The following SYNPR variants were observed in gnomAD, a reference collection of about 807,000 sequenced individuals.
The protein encoded by SYNPR is synaptoporin.
SYNPR carries 23 observed loss-of-function variants against 32.9 expected under a neutral mutation model. The ratio of observed to expected loss-of-function variants is 0.70; its 90% confidence interval spans 0.50 to 0.99. The LOEUF is 0.99. Ranked by LOEUF, SYNPR falls within the 50% of genes least tolerant of loss-of-function variation. SYNPR has a pLI of 0.00. For missense variants in SYNPR, 318 were observed against 349.3 expected, an observed-to-expected ratio of 0.91 and a Z score of 0.71; for synonymous variants, 146 against 135.9, an observed-to-expected ratio of 1.07 and a Z score of -0.52.
At chr3:63,448,066 C>T (rs904027468) in intron 2 of SYNPR, among the ~76,000 whole-genome samples, 3 of 152,138 alleles carry the variant, frequency 2.0e-5, no homozygotes, top group Non-Finnish European at 4.4e-5. Flanking sequence ...TGCAGTGGTG[C>T]AATCTCAGCC....
chr3:63,450,450 A>G (rs1006598573), intron 2 of SYNPR, among the ~76,000 whole-genome samples: 1 of 152,228 alleles, frequency 6.6e-6, no homozygotes, highest in Non-Finnish European at 1.5e-5. Flanking sequence ...TACAAAAGGA[A>G]GATAACAGAA....
intron 4 of SYNPR, among the ~76,000 whole-genome samples, chr3:63,578,003 T>G (rs1703017626): frequency 6.6e-6 from 1 of 152,208 alleles, no homozygotes; most frequent in South Asian, 2.1e-4. Context: ...GAACTCTTTC[T>G]TGAAGGCTTA....
At chr3:63,211,524 T>C in the SYNPR span, among the ~76,000 whole-genome samples, 1 of 152,250 alleles carries the variant, frequency 6.6e-6, no homozygotes, top group South Asian at 2.1e-4. Flanking sequence ...TGCTATTATT[T>C]TGTTATAAAG....
chr3:63,282,112 C>A (rs2086635956), intron 2 of SYNPR, among the ~76,000 whole-genome samples: 1 of 152,162 alleles, frequency 6.6e-6, no homozygotes, highest in Non-Finnish European at 1.5e-5. Flanking sequence ...ACAGGAATAC[C>A]AGCTAAGTCA....
the SYNPR span, among the ~76,000 whole-genome samples, chr3:63,201,381 G>A: frequency 1.3e-5 from 2 of 152,040 alleles, no homozygotes; most frequent in Non-Finnish European, 2.9e-5. Context: ...CTATCACATT[G>A]TCTGAAAGGC....
At chr3:63,516,552 C>T (rs1192622022) in intron 3 of SYNPR, among the ~76,000 whole-genome samples, 4 of 152,104 alleles carry the variant, frequency 2.6e-5, no homozygotes, top group Non-Finnish European at 4.4e-5. Flanking sequence ...ACATCGTAAC[C>T]TCTCAACAAC....
intron 3 of SYNPR, among the ~76,000 whole-genome samples, chr3:63,537,706 G>C (rs746255302): frequency 6.6e-6 from 1 of 152,142 alleles, no homozygotes; most frequent in Non-Finnish European, 1.5e-5. Flanking sequence ...GTGTCTTAGA[G>C]TTCAGCCTTA....
At chr3:63,443,232 G>T in intron 2 of SYNPR, 1 of 1,398,358 alleles carries the variant, frequency 7.2e-7, no homozygotes, top group South Asian at 1.6e-5. Context: ...TAATATGACC[G>T]TTTTGCCATC....
chr3:63,422,923 C>G (rs1324713169), intron 2 of SYNPR, among the ~76,000 whole-genome samples: 1 of 151,782 alleles, frequency 6.6e-6, no homozygotes, highest in Admixed American at 6.6e-5. Context: ...AATGAATAAG[C>G]ATGACATATT....
chr3:63,460,375 C>T (rs1462381175), intron 2 of SYNPR, among the ~76,000 whole-genome samples: 1 of 152,040 alleles, frequency 6.6e-6, no homozygotes. Flanking sequence ...GACTGCCCTT[C>T]ATTCATTTCT....
rs376712294 is a variant in SYNPR, at chr3:63,597,403, T to C, written c.409-11722T>C. Among the ~76,000 whole-genome samples, 7 of 152,310 alleles carry C rather than the reference T, an allele frequency of 4.6e-5. No individual in the cohort carries two copies. The South Asian group carries it at 8.3e-4, about 18-fold the overall frequency. On this transcript the variant is annotated intron_variant, in intron 4 of 5. Coordinates refer to ENST00000478300, the MANE Select transcript of SYNPR (RefSeq NM_001130003.2). ...GCTACATAGGTATACCATTGCTTAC[T>C]TGAAGGATCTGAGCCTGGAGCCAGT...
Position 63,354,878 on chromosome 3 carries a change from C to T in SYNPR, c.84+76136C>T, listed in dbSNP as rs1031788118. On this transcript the variant is annotated intron_variant, in intron 2 of 5. Transcript: ENST00000478300. ...TATCAGAATTTGTTGAGCACTTTCA[C>T]ATGTATTATCTAATTTGATCTTTGT... is the stretch of plus-strand genomic sequence containing the variant. 4.6e-5 allele frequency among the ~76,000 whole-genome samples: 7 copies of T among 152,170 alleles called. No homozygotes were observed. The South Asian group carries it at 1.2e-3, about 27-fold the overall frequency.
intron 2 of SYNPR, among the ~76,000 whole-genome samples, chr3:63,477,646 G>A (rs1400398145): frequency 6.6e-6 from 1 of 152,168 alleles, no homozygotes; most frequent in East Asian, 1.9e-4. Context: ...ACAGCTGCAT[G>A]GCCAGCCTGC....
At chr3:63,315,415 CA>C (rs1309369011) in intron 2 of SYNPR, among the ~76,000 whole-genome samples, 9 of 152,036 alleles carry the variant, frequency 5.9e-5, no homozygotes, top group Non-Finnish European at 1.3e-4. Flanking sequence ...TTTCTTTCAG[CA>C]GTGTTTTGTG....
the SYNPR span, among the ~76,000 whole-genome samples, chr3:63,221,679 A>C: frequency 6.6e-6 from 1 of 152,224 alleles, no homozygotes; most frequent in Non-Finnish European, 1.5e-5. Flanking sequence ...CCAGGTTCAC[A>C]ACTGGAAGCC....
rs1278991637 is a variant in SYNPR, at chr3:63,481,445, A to ATGTGTG, written c.209+490_209+491insGTGTGT. On this transcript the variant is annotated intron_variant, in intron 3 of 5. Coordinates refer to ENST00000478300, the MANE Select transcript of SYNPR (RefSeq NM_001130003.2). ...ATTTATATATTAAGTGTATATATATATATATATGTGTGTGTGTGTGTGTGT... is the reference window on the plus strand; with the variant it reads ...ATTTATATATTAAGTGTATATATATATGTGTGTATATATGTGTGTGTGTGTGTGTGT... 1.7e-3 allele frequency among the ~76,000 whole-genome samples: 234 copies of ATGTGTG among 134,394 alleles called. 1 individual carries two copies. The highest frequency in any genetic ancestry group is 6.6e-3 in the East Asian group (31 of 4,722). The allele number at this position is 134,394 out of a possible 152,430, so 88.2% of individuals were successfully genotyped here.
At chr3:63,513,741 A>G (rs910181152) in intron 3 of SYNPR, among the ~76,000 whole-genome samples, 3 of 152,130 alleles carry the variant, frequency 2.0e-5, no homozygotes, top group Non-Finnish European at 4.4e-5. Flanking sequence ...GTGGTTTTGC[A>G]TAAGAGAACT....
At chr3:63,504,410 C>G (rs1161722256) in intron 3 of SYNPR, among the ~76,000 whole-genome samples, 1 of 152,134 alleles carries the variant, frequency 6.6e-6, no homozygotes, top group East Asian at 1.9e-4. Flanking sequence ...AATGTTCTTT[C>G]TGTAATCTAC....
chr3:63,313,600 G>T (rs1334495619), intron 2 of SYNPR, among the ~76,000 whole-genome samples: 1 of 144,512 alleles, frequency 6.9e-6, no homozygotes, highest in African/African-American at 2.6e-5. Flanking sequence ...ACATATATGT[G>T]TGTGTGTGTA....
Sources: allele counts gnomAD v4.1 joint callset (sites outside exome capture counted in the v4.1 genomes callset), GRCh38; gene constraint gnomAD v4.1.1; transcripts MANE v1.5; gene names NCBI Gene and HGNC (gene_info 2026-07-23, HGNC 2026-07-21).